The following CIT variants were observed in gnomAD, a reference collection of about 807,000 sequenced individuals.
CIT encodes the protein citron Rho-interacting kinase.
A neutral mutation model predicts 272.7 loss-of-function variants in CIT; 79 were observed. The observed-to-expected ratio is 0.29, with a 90% CI of 0.24 to 0.35. The LOEUF (loss-of-function observed/expected upper bound fraction) is 0.35. Among genes scored for constraint, CIT ranks in the 10% least tolerant of loss-of-function variants. The pLI is 1.00. For missense variants in CIT, 1,909 were observed against 2,618.3 expected, an observed-to-expected ratio of 0.73 and a Z score of 5.91; for synonymous variants, 948 against 995.6, an observed-to-expected ratio of 0.95 and a Z score of 0.90.
At position 119,712,365 on chromosome 12, in the gene CIT, G is replaced by C. The variant is rs1475337348; in HGVS notation, c.4685-18C>G. The C allele has an allele frequency of 1.3e-6, 2 of 1,598,868 alleles. No individual in the cohort carries two copies. The highest frequency in any genetic ancestry group is 2.7e-5 in the African/African-American group (2 of 74,630). The stretch of plus-strand genomic sequence containing the variant: ...TGGGACATCTAGGAGATTTCAGAGA[G>C]CACAGGATTGGGTGTGGATTTCCCC... On this transcript the variant is annotated intron_variant, in intron 36 of 47. Coordinates refer to ENST00000392521, the MANE Select transcript of CIT (RefSeq NM_001206999.2). This position sits in a 1 kb window ranked among gnomAD's most constrained non-coding sequence, Gnocchi z 5.2.
intron 19 of CIT, among the ~76,000 whole-genome samples, chr12:119,763,218 T>C (rs1298763662): frequency 8.0e-5 from 1 of 12,444 alleles, no homozygotes; most frequent in Admixed American, 9.8e-4. Context: ...ATATGGCTTT[T>C]GGTAGGAACA....
chr12:119,750,413 G>A (rs537199113), intron 23 of CIT, among the ~76,000 whole-genome samples: 1 of 152,060 alleles, frequency 6.6e-6, no homozygotes, highest in Non-Finnish European at 1.5e-5. Flanking sequence ...TTTCCAAGTG[G>A]TTTTCAGTCC....
rs746467549 is a variant in CIT, at chr12:119,713,110, C to T, written c.4579+93G>A. 9 of 897,728 alleles carry T rather than the reference C, an allele frequency of 1.0e-5. No individual in the cohort carries two copies. The highest frequency in any genetic ancestry group is 1.4e-5 in the Non-Finnish European group (8 of 562,850). The allele number at this position is 897,728 out of a possible 1,614,324, so 55.6% of individuals were successfully genotyped here. A position where few individuals can be genotyped will look rare whatever the true frequency, so the allele number is the denominator to read the frequency against. The stretch of plus-strand genomic sequence containing the variant: ...AAAATGGAAAAGCGTAGAAGGCTTG[C>T]AAGGCAGTCCAAAAAACAAAGCCTT... On this transcript the variant is annotated intron_variant, in intron 35 of 47. Transcript: ENST00000392521. The surrounding 1 kb of genome is among the most constrained non-coding windows in gnomAD (Gnocchi z 5.2).
intron 24 of CIT, among the ~76,000 whole-genome samples, chr12:119,736,782 G>A (rs781651683): frequency 3.3e-5 from 5 of 152,142 alleles, no homozygotes; most frequent in Admixed American, 6.5e-5. Context: ...AATAAACAAT[G>A]CCCAGTAGTT....
At chr12:119,790,267 C>T (rs1415594437) in intron 10 of CIT, among the ~76,000 whole-genome samples, 1 of 151,940 alleles carries the variant, frequency 6.6e-6, no homozygotes, top group Non-Finnish European at 1.5e-5. Flanking sequence ...AGCAGCAAGT[C>T]GGCTGGTCTC....
chr12:119,772,073 C>T lies in CIT; in HGVS notation c.2082+697G>A, dbSNP rs568008783. ...GAGGATGGCCCAAAAGAGACATGTA[C>T]CAGGAGGTTCACACCAAGAATGTGA... On this transcript the variant is annotated intron_variant, in intron 17 of 47. Coordinates refer to ENST00000392521, the MANE Select transcript of CIT (RefSeq NM_001206999.2). 2.0e-5 allele frequency among the ~76,000 whole-genome samples: 3 copies of T among 152,044 alleles called. No individual in the cohort carries two copies. The South Asian group carries it at 6.3e-4, about 32-fold the overall frequency.
intron 25 of CIT, among the ~76,000 whole-genome samples, chr12:119,734,811 C>CT (rs977326216): frequency 1.3e-5 from 2 of 151,718 alleles, no homozygotes; most frequent in East Asian, 3.9e-4. Context: ...TAATTTTTAT[C>CT]TTTTTTATTT....
At chr12:119,862,858 A>C (rs1193559985) in intron 3 of CIT, among the ~76,000 whole-genome samples, 2 of 147,238 alleles carry the variant, frequency 1.4e-5, no homozygotes, top group African/African-American at 5.0e-5. Context: ...CCAAAAAAAA[A>C]AACGAGGTAG....
chr12:119,840,999 G>A (rs889754063), intron 5 of CIT, among the ~76,000 whole-genome samples: 1 of 152,032 alleles, frequency 6.6e-6, no homozygotes, highest in Non-Finnish European at 1.5e-5. Context: ...AAATTACACA[G>A]GTGTGGGTTG....
chr12:119,840,393 A>C (rs188776183), intron 5 of CIT, among the ~76,000 whole-genome samples: 62 of 152,340 alleles, frequency 4.1e-4, no homozygotes, highest in Admixed American at 4.1e-3. Flanking sequence ...GGATGGGGCC[A>C]AGCAAGCTGG....
At chr12:119,717,291 A>G (rs1957543155) in intron 32 of CIT, among the ~76,000 whole-genome samples, 1 of 152,062 alleles carries the variant, frequency 6.6e-6, no homozygotes, top group African/African-American at 2.4e-5. Context: ...ACCTCAGGTG[A>G]TCCGCCCACC....
intron 46 of CIT, among the ~76,000 whole-genome samples, chr12:119,691,927 T>G (rs904022142): frequency 2.6e-5 from 4 of 152,232 alleles, no homozygotes; most frequent in Admixed American, 2.6e-4. Flanking sequence ...AAAACATATT[T>G]TGTTTGATTG....
chr12:119,763,186 A>G (rs1728612869), intron 19 of CIT, among the ~76,000 whole-genome samples: 1 of 152,262 alleles, frequency 6.6e-6, no homozygotes, highest in African/African-American at 2.4e-5. Context: ...CACTAAAGAC[A>G]TCTAAATCAA....
rs142497494 is a variant in CIT, at chr12:119,698,459, G to A, written c.5624-405C>T. Among the ~76,000 whole-genome samples the A allele has an allele frequency of 1.4e-4, 22 of 152,164 alleles. 1 individual carries two copies. Among genetic ancestry groups the A allele is most frequent in the African/African-American group, 4.6e-4 (19 of 41,518 alleles). ...ACAAAAATTAGCCAGGCATGGTGGT[G>A]TACACCTGTAATCCCAGCTACTCAG... On this transcript the variant is annotated intron_variant, in intron 44 of 47. Transcript: ENST00000392521.
chr12:119,784,677 C>A lies in CIT; in HGVS notation c.1401+283G>T, dbSNP rs1307806160. ...CTCAGCCACAGGTGAGGACCCAGGCCACCTGCCGGAAGAAGCAGACATCTG... is the reference window on the plus strand; with the variant it reads ...CTCAGCCACAGGTGAGGACCCAGGCAACCTGCCGGAAGAAGCAGACATCTG... On this transcript the variant is annotated intron_variant, in intron 11 of 47. Transcript: ENST00000392521. The surrounding 1 kb of genome is among the most constrained non-coding windows in gnomAD (Gnocchi z 4.7). 2 of 1,291,338 alleles carry A rather than the reference C, an allele frequency of 1.5e-6. No individual in the cohort carries two copies. The highest frequency in any genetic ancestry group is 2.0e-6 in the Non-Finnish European group (2 of 1,017,322). 80.0% of individuals were successfully genotyped at this position (1,291,338 alleles called of 1,614,324 possible).
At chr12:119,700,881 C>T (rs773013179) in intron 43 of CIT, 56 bp from the exon 44 acceptor site, 23 of 1,377,304 alleles carry the variant, frequency 1.7e-5, no homozygotes, top group South Asian at 2.3e-5. Flanking sequence ...GGGGCATCAG[C>T]GACACACATG....
chr12:119,718,201 T>A lies in CIT; in HGVS notation c.4168+44A>T, dbSNP rs1304735723. 1.3e-6 allele frequency: 2 copies of A among 1,571,638 alleles called. No homozygotes were observed. The highest frequency in any genetic ancestry group is 1.2e-5 in the South Asian group (1 of 85,700). On this transcript the variant is annotated intron_variant, in intron 32 of 47. Coordinates refer to ENST00000392521, the MANE Select transcript of CIT (RefSeq NM_001206999.2). This position sits in a 1 kb window ranked among gnomAD's most constrained non-coding sequence, Gnocchi z 4.8. The stretch of plus-strand genomic sequence containing the variant: ...TTGTAATTTTTACCATATGCCCACA[T>A]GTCTTAGTCGACTAAAAGAAATTTC...
intron 4 of CIT, among the ~76,000 whole-genome samples, chr12:119,855,945 A>G (rs11064930): frequency 0.051 from 7,832 of 152,282 alleles, 398 homozygotes; most frequent in African/African-American, 0.13. Context: ...CTCAGGTAGT[A>G]TGAACTGATG....
Position 119,825,261 on chromosome 12 carries a change from C to T in CIT, c.861G>A (p.Trp287Ter), listed in dbSNP as rs750946702. The change falls in exon 8 of 48, where the codon TGG (tryptophan) becomes TGA (stop). Residue 287 changes from tryptophan (W) to a stop codon, truncating the protein, a stop_gained. Coordinates refer to ENST00000392521, the MANE Select transcript of CIT (RefSeq NM_001206999.2). LOFTEE classifies it high-confidence loss of function. ...TCTCATAGGCAATCACGCCCACTGA[C>T]CACCAGTCACAGTCCAGGCCGTAGG... is the stretch of plus-strand genomic sequence containing the variant. ...KGTYGLDCDWWSVGVIAYEMI... is the reference protein window; with the variant it reads ...KGTYGLDCDW 1.9e-6 allele frequency: 3 copies of T among 1,614,142 alleles called. No individual in the cohort carries two copies. The highest frequency in any genetic ancestry group is 1.1e-5 in the South Asian group (1 of 91,082).
Sources: allele counts gnomAD v4.1 joint callset (sites outside exome capture counted in the v4.1 genomes callset), GRCh38; gene constraint gnomAD v4.1.1; non-coding constraint Gnocchi (gnomAD v3.1); transcripts MANE v1.5; gene names NCBI Gene and HGNC (gene_info 2026-07-23, HGNC 2026-07-21).